Variants in FBRSL1 observed in about 807,000 individuals in gnomAD.
FBRSL1 encodes fibrosin-1-like protein.
A neutral mutation model predicts 89.6 loss-of-function variants in FBRSL1; 51 were observed. The observed-to-expected ratio is 0.57, with a 90% CI of 0.45 to 0.72. The LOEUF (loss-of-function observed/expected upper bound fraction) is 0.72. FBRSL1 is among the 30% of genes least tolerant of loss of function. FBRSL1 has a pLI of 0.00. For missense variants in FBRSL1, 1,618 were observed against 1,451.8 expected (o/e 1.11, Z -1.86); for synonymous variants, 779 against 681.1 (o/e 1.14, Z -2.24).
intron 5 of FBRSL1, chr12:132,551,045 C>A: frequency 3.6e-6 from 1 of 279,756 alleles, no homozygotes; most frequent in Non-Finnish European, 7.2e-6. Flanking sequence ...GCAGAGGCAC[C>A]CAGATCTCTG....
chr12:132,576,778 T>TCACC, intron 14 of FBRSL1, 21 bp from the exon 15 acceptor site: 2 of 1,546,690 alleles, frequency 1.3e-6, no homozygotes, highest in Non-Finnish European at 1.7e-6. Context: ...CAGGCGGCCC[T>TCACC]CACCCGTTCT....
chr12:132,494,173 C>T (rs746753655), intron 1 of FBRSL1, among the ~76,000 whole-genome samples: 3 of 152,182 alleles, frequency 2.0e-5, no homozygotes, highest in Non-Finnish European at 4.4e-5. Flanking sequence ...ACTCTGGGTG[C>T]TTGGGAACGT....
At position 132,582,055 on chromosome 12, in the gene FBRSL1, C is replaced by T. The variant is rs1373563362; in HGVS notation, c.1997-7C>T. The T allele has an allele frequency of 1.2e-5, 19 of 1,542,306 alleles. No individual in the cohort carries two copies. Among genetic ancestry groups the T allele is most frequent in the Non-Finnish European group, 1.7e-5 (19 of 1,142,154 alleles). On this transcript the variant is annotated splice_region_variant and splice_polypyrimidine_tract_variant and intron_variant, in intron 17 of 18. Transcript: ENST00000680143. The stretch of plus-strand genomic sequence containing the variant: ...CCAACCTCATGCTCCCCGGCCTCTG[C>T]CCCCAGCTCCCGGTGGCAGCATCTT...
At chr12:132,572,926 C>T (rs2040135248) in intron 11 of FBRSL1, among the ~76,000 whole-genome samples, 1 of 152,232 alleles carries the variant, frequency 6.6e-6, no homozygotes, top group Admixed American at 6.5e-5. Flanking sequence ...GCAGGAGGCC[C>T]TGGTGTGGAC....
chr12:132,577,338 C>T lies in FBRSL1; in HGVS notation c.1834+407C>T, dbSNP rs569871388. 2.0e-5 allele frequency among the ~76,000 whole-genome samples: 3 copies of T among 152,308 alleles called. No homozygotes were observed. In the South Asian group the frequency reaches 6.2e-4, roughly 32 times the overall value. On this transcript the variant is annotated intron_variant, in intron 15 of 18. Transcript: ENST00000680143. The stretch of plus-strand genomic sequence containing the variant: ...GGCAAAGGAATGGCAGGGACCCAGG[C>T]CCACGCGAGGCTGCCCCTTTCTGTC...
At chr12:132,507,567 G>A (rs967190607) in intron 1 of FBRSL1, among the ~76,000 whole-genome samples, 1 of 152,136 alleles carries the variant, frequency 6.6e-6, no homozygotes, top group Admixed American at 6.5e-5. Flanking sequence ...TTTACAGGGG[G>A]CCTGGGGGTG....
At chr12:132,492,060 C>T (rs1054559005) in intron 1 of FBRSL1, among the ~76,000 whole-genome samples, 7 of 152,346 alleles carry the variant, frequency 4.6e-5, no homozygotes, top group Non-Finnish European at 1.0e-4. Flanking sequence ...GTCTTCTGCC[C>T]TCTCAGTGGT....
Position 132,583,593 on chromosome 12 carries a change from C to T in FBRSL1, c.2824C>T (p.Leu942Phe), listed in dbSNP as rs1285051787. Residue 942 changes from leucine to phenylalanine, a missense_variant, in exon 19 of 19, where the codon CTC (leucine) becomes TTC (phenylalanine). By Grantham distance (22) the Leu-to-Phe change is conservative. Coordinates refer to ENST00000680143, the MANE Select transcript of FBRSL1 (RefSeq NM_001367871.1). ...CTCGCCCGCCGCGCTGCACAATGGG[C>T]TCCTGGCGCGGACCCCGCCCGCCGC... The part of the protein sequence containing the change: ...RLSPAALHNG[L>F]LARTPPAAAA... The T allele has an allele frequency of 5.0e-5, 50 of 995,424 alleles. 1 individual carries two copies. Among genetic ancestry groups the T allele is most frequent in the African/African-American group, 5.3e-5 (3 of 56,760 alleles). 61.7% of individuals were successfully genotyped at this position (995,424 alleles called of 1,614,324 possible).
Position 132,584,008 on chromosome 12 carries a change from C to A in FBRSL1, c.*230C>A. The A allele has an allele frequency of 4.0e-6, 1 of 247,304 alleles. No homozygotes were observed. The highest frequency in any genetic ancestry group is 7.7e-6 in the Non-Finnish European group (1 of 129,300). The allele number at this position is 247,304 out of a possible 1,614,324, so 15.3% of individuals were successfully genotyped here. A position where few individuals can be genotyped will look rare whatever the true frequency, so the allele number is the denominator to read the frequency against. On this transcript the variant is annotated 3_prime_UTR_variant, in exon 19 of 19. Coordinates refer to ENST00000680143, the MANE Select transcript of FBRSL1 (RefSeq NM_001367871.1). Reference sequence around the variant, plus strand: ...AAATCGCGTTTGTACCTTTTCCCCCCACAGATGAGAAGTGTTTGTAATGGA... The same window carrying A: ...AAATCGCGTTTGTACCTTTTCCCCCAACAGATGAGAAGTGTTTGTAATGGA...
At chr12:132,498,251 G>GGA (rs2032379567) in intron 1 of FBRSL1, among the ~76,000 whole-genome samples, 4 of 152,180 alleles carry the variant, frequency 2.6e-5, no homozygotes, top group African/African-American at 7.2e-5. Flanking sequence ...TGTGTCGGGG[G>GGA]CATGGGGCCG....
chr12:132,515,902 A>AAG (rs2034798407), intron 2 of FBRSL1, among the ~76,000 whole-genome samples: 2 of 150,626 alleles, frequency 1.3e-5, no homozygotes, highest in Middle Eastern at 3.4e-3. Flanking sequence ...TCCGTCTCAA[A>AAG]AAAAAAAAAA....
In FBRSL1 at chr12:132,551,501, C is replaced by T. The variant is rs146343797; in HGVS notation, c.645+3469C>T. 1.7e-4 allele frequency: 78 copies of T among 456,300 alleles called. 1 individual carries two copies. In the East Asian group the frequency reaches 4.9e-3, roughly 29 times the overall value. The allele number at this position is 456,300 out of a possible 1,614,324, so 28.3% of individuals were successfully genotyped here. A position where few individuals can be genotyped will look rare whatever the true frequency, so the allele number is the denominator to read the frequency against. ...TCTGGACGGAGTGGTGGGGAGGGCG[C>T]GGGCGCATGTCTCAGGCCAGTGCAC... On this transcript the variant is annotated intron_variant, in intron 5 of 18. Transcript: ENST00000680143.
chr12:132,570,022 C>A lies in FBRSL1; in HGVS notation c.788C>A (p.Pro263His). 1 of 1,513,258 alleles carries A rather than the reference C, an allele frequency of 6.6e-7. No individual in the cohort carries two copies. Among genetic ancestry groups the A allele is most frequent in the Non-Finnish European group, 8.8e-7 (1 of 1,137,452 alleles). 93.7% of individuals were successfully genotyped at this position (1,513,258 alleles called of 1,614,324 possible). A position where few individuals can be genotyped will look rare whatever the true frequency, so the allele number is the denominator to read the frequency against. The change falls in exon 7 of 19, where the codon CCC becomes CAC. Residue 263 changes from proline (P) to histidine (H), a missense_variant. Coordinates refer to ENST00000680143, the MANE Select transcript of FBRSL1 (RefSeq NM_001367871.1). ...SRELSAESFLPTASPAPHAAP... is the reference protein window; with the variant it reads ...SRELSAESFLHTASPAPHAAP... ...GAGCTCAGCGCCGAGAGCTTCCTGC[C>A]CACTGCCAGCCCCGCGCCCCATGCC...
In FBRSL1 at chr12:132,572,514, C is replaced by T. The variant is rs776411169; in HGVS notation, c.1435-13C>T. ...CTTGGGCCCCCCCTCCATCCGCTCT[C>T]CTTCTCTTACAGTTCTTCCCGTCCT... On this transcript the variant is annotated splice_polypyrimidine_tract_variant and intron_variant, in intron 10 of 18. Transcript: ENST00000680143. The T allele has an allele frequency of 4.5e-6, 7 of 1,547,046 alleles. No individual in the cohort carries two copies. Among genetic ancestry groups the T allele is most frequent in the Admixed American group, 2.0e-5 (1 of 50,992 alleles).
intron 5 of FBRSL1, among the ~76,000 whole-genome samples, chr12:132,564,182 T>C (rs2039396015): frequency 6.6e-6 from 1 of 152,134 alleles, no homozygotes. Context: ...GACACGGGTG[T>C]CCCTCTGGGC....
At chr12:132,567,236 C>T (rs1235607345) in intron 5 of FBRSL1, among the ~76,000 whole-genome samples, 1 of 152,162 alleles carries the variant, frequency 6.6e-6, no homozygotes, top group Non-Finnish European at 1.5e-5. Flanking sequence ...TCACTCAGAC[C>T]CCCTCTAGGA....
intron 14 of FBRSL1, among the ~76,000 whole-genome samples, chr12:132,575,551 G>A (rs2138011454): frequency 6.6e-6 from 1 of 152,354 alleles, no homozygotes; most frequent in East Asian, 1.9e-4. Context: ...CTTTATACTT[G>A]CATGTCTGGG....
At chr12:132,525,678 G>C in intron 2 of FBRSL1, 56 bp from the exon 3 acceptor site, 2 of 1,446,774 alleles carry the variant, frequency 1.4e-6, no homozygotes, top group South Asian at 2.4e-5. Context: ...AGGGGGCCCC[G>C]ATGCGGACGC....
rs1419915379 is a variant in FBRSL1 at position 132,546,373 on chromosome 12, G to A, written c.616-1630G>A. ...GGCGGGATGGGCCCGGTTCTGACTT[G>A]GAGCCCTCAGTTCTTGTGTGGTGGG... On this transcript the variant is annotated intron_variant, in intron 4 of 18. Coordinates refer to ENST00000680143, the MANE Select transcript of FBRSL1 (RefSeq NM_001367871.1). The surrounding 1 kb of genome is among the most constrained non-coding windows in gnomAD (Gnocchi z 4.0). Among the ~76,000 whole-genome samples, 1 of 152,240 alleles carries A rather than the reference G, an allele frequency of 6.6e-6. No homozygotes were observed. The highest frequency in any genetic ancestry group is 2.4e-5 in the African/African-American group (1 of 41,466).
Sources: allele counts gnomAD v4.1 joint callset (sites outside exome capture counted in the v4.1 genomes callset), GRCh38; gene constraint gnomAD v4.1.1; non-coding constraint Gnocchi (gnomAD v3.1); transcripts MANE v1.5; gene names NCBI Gene and HGNC (gene_info 2026-07-23, HGNC 2026-07-21).